Variants in RCAN1 observed in about 807,000 individuals in gnomAD.
RCAN1 encodes the protein regulator of calcineurin 1, also known as calcipressin-1.
Under a neutral mutation model 22.9 loss-of-function variants are expected in RCAN1, and 11 were observed. The observed-to-expected ratio is 0.48, with a 90% CI of 0.30 to 0.79. The LOEUF is 0.79. Ranked by LOEUF, RCAN1 falls within the 30% of genes least tolerant of loss-of-function variation. RCAN1 has a pLI of 0.06. For missense variants in RCAN1, 291 were observed against 337.8 expected, an observed-to-expected ratio of 0.86 and a Z score of 1.09; for synonymous variants, 136 against 142.3, an observed-to-expected ratio of 0.96 and a Z score of 0.32.
intron 1 of RCAN1, among the ~76,000 whole-genome samples, chr21:34,542,404 T>G (rs12626235): frequency 0.27 from 36,215 of 132,030 alleles, 4,996 homozygotes; most frequent in African/African-American, 0.43. Context: ...CCACCATGCT[T>G]TCAGGAAGCC....
chr21:34,552,741 A>G (rs1353794010), intron 1 of RCAN1, among the ~76,000 whole-genome samples: 1 of 152,138 alleles, frequency 6.6e-6, no homozygotes, highest in Non-Finnish European at 1.5e-5. Context: ...CTATTCATGG[A>G]TGTATCGATA....
chr21:34,600,684 A>G (rs759201844), intron 1 of RCAN1, among the ~76,000 whole-genome samples: 4 of 152,226 alleles, frequency 2.6e-5, no homozygotes, highest in Non-Finnish European at 5.9e-5. Flanking sequence ...TGAGGCTTTC[A>G]TATTCATTAT....
At chr21:34,540,442 C>A (rs751660181) in intron 1 of RCAN1, among the ~76,000 whole-genome samples, 1 of 151,960 alleles carries the variant, frequency 6.6e-6, no homozygotes, top group Non-Finnish European at 1.5e-5. Context: ...TGTCTCCATT[C>A]ATTCAACCAC....
At chr21:34,538,151 C>T (rs971464746) in intron 1 of RCAN1, among the ~76,000 whole-genome samples, 4 of 152,068 alleles carry the variant, frequency 2.6e-5, no homozygotes, top group Non-Finnish European at 5.9e-5. Context: ...AAAGTTTTGT[C>T]AGGAATGGCA....
chr21:34,547,753 G>A (rs188769097), intron 1 of RCAN1, among the ~76,000 whole-genome samples: 1 of 152,316 alleles, frequency 6.6e-6, no homozygotes, highest in East Asian at 1.9e-4. Context: ...CCTGTCTCCT[G>A]TGCTTGCTTC....
chr21:34,526,953 G>A, intron 1 of RCAN1: 1 of 1,375,326 alleles, frequency 7.3e-7, no homozygotes, highest in Non-Finnish European at 9.3e-7. Context: ...CTGCATGCTT[G>A]CAGGCAGACA....
At chr21:34,524,873 A>G (rs1338373336) in intron 1 of RCAN1, among the ~76,000 whole-genome samples, 1 of 151,912 alleles carries the variant, frequency 6.6e-6, no homozygotes, top group East Asian at 1.9e-4. Flanking sequence ...GGCCACTGCA[A>G]CTCCTCAGAG....
chr21:34,601,627 G>A (rs970165340), intron 1 of RCAN1, among the ~76,000 whole-genome samples: 1 of 152,094 alleles, frequency 6.6e-6, no homozygotes, highest in Non-Finnish European at 1.5e-5. Flanking sequence ...GATCATCTTG[G>A]CTAACACGGT....
chr21:34,593,828 A>T (rs1188030855), intron 1 of RCAN1, among the ~76,000 whole-genome samples: 1 of 152,234 alleles, frequency 6.6e-6, no homozygotes, highest in African/African-American at 2.4e-5. Context: ...CTGCCCTCAA[A>T]GAGCAGGTGC....
intron 1 of RCAN1, among the ~76,000 whole-genome samples, chr21:34,527,688 C>T (rs1256899483): frequency 6.6e-6 from 1 of 152,142 alleles, no homozygotes; most frequent in Non-Finnish European, 1.5e-5. Context: ...GAAGCATTAA[C>T]CCATTTATGC....
chr21:34,543,685 A>G (rs1269901790), intron 1 of RCAN1, among the ~76,000 whole-genome samples: 1 of 152,264 alleles, frequency 6.6e-6, no homozygotes, highest in Non-Finnish European at 1.5e-5. Flanking sequence ...CTTTGGAATC[A>G]ATAAACTGCT....
intron 1 of RCAN1, among the ~76,000 whole-genome samples, chr21:34,560,985 G>A (rs1053171423): frequency 7.9e-5 from 12 of 152,156 alleles, no homozygotes; most frequent in African/African-American, 2.7e-4. Flanking sequence ...GGAGGTAATT[G>A]GATCATGGGG....
chr21:34,530,628 T>TTG (rs1555856757), intron 1 of RCAN1, among the ~76,000 whole-genome samples: 1 of 136,630 alleles, frequency 7.3e-6, no homozygotes, highest in Non-Finnish European at 1.5e-5. Flanking sequence ...TTTTTTTTTT[T>TTG]TTTTTTTTTT....
Position 34,574,748 on chromosome 21 carries a change from A to C in RCAN1, c.252+40012T>G, listed in dbSNP as rs77476032. 7.3e-3 allele frequency among the ~76,000 whole-genome samples: 1,118 copies of C among 152,374 alleles called. 16 individuals carry two copies. Among genetic ancestry groups the C allele is most frequent in the African/African-American group, 0.026 (1,076 of 41,594 alleles). ...TTTCAGCAGTTGTTTGAGTGTAAAC[A>C]CGGAGTGTCTGTCTGCTTCCGCGGC... On this transcript the variant is annotated intron_variant, in intron 1 of 3. Coordinates refer to ENST00000313806, the MANE Select transcript of RCAN1 (RefSeq NM_004414.7).
intron 1 of RCAN1, among the ~76,000 whole-genome samples, chr21:34,606,666 C>G (rs60038998): frequency 6.6e-6 from 1 of 152,094 alleles, no homozygotes; most frequent in Non-Finnish European, 1.5e-5. Context: ...AGTAATTAGG[C>G]TAAAGGAGGT....
At chr21:34,604,217 G>T (rs1001156641) in intron 1 of RCAN1, among the ~76,000 whole-genome samples, 2 of 152,038 alleles carry the variant, frequency 1.3e-5, no homozygotes, top group African/African-American at 4.8e-5. Flanking sequence ...TGCAACCTCC[G>T]CCTCCCGGGT....
intron 1 of RCAN1, among the ~76,000 whole-genome samples, chr21:34,607,594 T>C (rs866384762): frequency 2.6e-5 from 4 of 152,346 alleles, no homozygotes; most frequent in African/African-American, 9.6e-5. Context: ...TTTCACCATG[T>C]TGGCCATGCT....
In RCAN1 at chr21:34,530,625, T is replaced by TTTTTGTTTGTTTTG. The variant is rs1555856749; in HGVS notation, c.253-6916_253-6915insCAAAACAAACAAAA. ...CTAAGATAGTGAAATAGTTTTTTTT[T>TTTTTGTTTGTTTTG]TTTTTTTTTTTTTTTTTTGAGACAG... On this transcript the variant is annotated intron_variant, in intron 1 of 3. Coordinates refer to ENST00000313806, the MANE Select transcript of RCAN1 (RefSeq NM_004414.7). Among the ~76,000 whole-genome samples the TTTTTGTTTGTTTTG allele has an allele frequency of 2.4e-3, 174 of 72,016 alleles. 2 individuals carry two copies. The highest frequency in any genetic ancestry group is 0.01 in the African/African-American group (162 of 16,020). 47.2% of individuals were successfully genotyped at this position (72,016 alleles called of 152,430 possible).
chr21:34,566,945 A>T (rs554562019), intron 1 of RCAN1, among the ~76,000 whole-genome samples: 3 of 152,178 alleles, frequency 2.0e-5, no homozygotes, highest in East Asian at 3.9e-4. Flanking sequence ...TTCATGAGGG[A>T]TCTACCCCCT....
Sources: allele counts gnomAD v4.1 joint callset (sites outside exome capture counted in the v4.1 genomes callset), GRCh38; gene constraint gnomAD v4.1.1; transcripts MANE v1.5; gene names NCBI Gene and HGNC (gene_info 2026-07-23, HGNC 2026-07-21).